Variants in ADCY2 observed in about 807,000 individuals in gnomAD.
The protein encoded by ADCY2 is adenylate cyclase type 2.
Under a neutral mutation model 125.2 loss-of-function variants are expected in ADCY2, and 31 were observed. The observed-to-expected ratio is 0.25, with a 90% CI of 0.19 to 0.33. The LOEUF (loss-of-function observed/expected upper bound fraction) is 0.33, where lower values mean the gene tolerates loss of function less well. Among genes scored for constraint, ADCY2 ranks in the 10% least tolerant of loss-of-function variants. The probability of loss-of-function intolerance (pLI) is 1.00; values close to 1 mark genes in which losing one functional copy is unlikely to be tolerated. For missense variants in ADCY2, 904 were observed against 1,418.2 expected, an observed-to-expected ratio of 0.64 and a Z score of 5.82; for synonymous variants, 512 against 548.4, an observed-to-expected ratio of 0.93 and a Z score of 0.93.
chr5:7,543,168 TACAAC>T (rs1338226932), intron 3 of ADCY2, among the ~76,000 whole-genome samples: 4 of 151,682 alleles, frequency 2.6e-5, no homozygotes, highest in Non-Finnish European at 5.9e-5. Flanking sequence ...TACAAACACA[TACAAC>T]ACGTATGTGG....
chr5:7,809,817 A>G (rs1304633302), intron 22 of ADCY2, among the ~76,000 whole-genome samples: 1 of 152,214 alleles, frequency 6.6e-6, no homozygotes, highest in Non-Finnish European at 1.5e-5. Context: ...ATCCATTCTA[A>G]TTTTAAGCTT....
chr5:7,726,365 T>C lies in ADCY2; in HGVS notation c.1774-799T>C, dbSNP rs149676488. Reference sequence around the variant, plus strand: ...AGTCCACAGTTTCTTCATCCAAAAATAGGGGCTGTTGTGTGGATTGAATGA... The same window carrying C: ...AGTCCACAGTTTCTTCATCCAAAAACAGGGGCTGTTGTGTGGATTGAATGA... On this transcript the variant is annotated intron_variant, in intron 13 of 24. Coordinates refer to ENST00000338316, the MANE Select transcript of ADCY2 (RefSeq NM_020546.3). Among the ~76,000 whole-genome samples, 191 of 152,292 alleles carry C rather than the reference T, an allele frequency of 1.3e-3. 2 individuals are homozygous for C. Among genetic ancestry groups the C allele is most frequent in the African/African-American group, 4.1e-3 (171 of 41,568 alleles).
chr5:7,410,664 A>G (rs1360841679), intron 1 of ADCY2, among the ~76,000 whole-genome samples: 1 of 152,236 alleles, frequency 6.6e-6, no homozygotes, highest in Non-Finnish European at 1.5e-5. Context: ...ATTTTTAAAA[A>G]GACATTTTAG....
chr5:7,484,390 G>T (rs1742848606), intron 2 of ADCY2, among the ~76,000 whole-genome samples: 1 of 152,160 alleles, frequency 6.6e-6, no homozygotes, highest in African/African-American at 2.4e-5. Context: ...TCTTCCCAGG[G>T]AAAATAATGA....
At chr5:7,419,167 G>A (rs1336264294) in intron 2 of ADCY2, among the ~76,000 whole-genome samples, 14 of 152,174 alleles carry the variant, frequency 9.2e-5, no homozygotes. Flanking sequence ...TGCAGTCAGA[G>A]GGAACAGTCT....
chr5:7,825,770 C>G (rs753158422), intron 24 of ADCY2, among the ~76,000 whole-genome samples: 24 of 152,354 alleles, frequency 1.6e-4, no homozygotes, highest in Non-Finnish European at 3.1e-4. Flanking sequence ...CACACTCAGG[C>G]AGCCCAAGCC....
chr5:7,429,237 A>T (rs1740502488), intron 2 of ADCY2, among the ~76,000 whole-genome samples: 1 of 152,238 alleles, frequency 6.6e-6, no homozygotes, highest in Admixed American at 6.5e-5. Context: ...TTAGTACCTC[A>T]GGAGGAGCTA....
At chr5:7,495,917 A>G (rs768244328) in intron 2 of ADCY2, among the ~76,000 whole-genome samples, 31 of 152,212 alleles carry the variant, frequency 2.0e-4, no homozygotes, top group East Asian at 1.9e-4. Context: ...TATAAAAATA[A>G]TTTTCTTTCA....
At chr5:7,755,422 G>A (rs886856489) in intron 15 of ADCY2, among the ~76,000 whole-genome samples, 1 of 149,182 alleles carries the variant, frequency 6.7e-6, no homozygotes, top group African/African-American at 2.4e-5. Context: ...AAAAAACATG[G>A]TGGAAAGGAG....
intron 3 of ADCY2, among the ~76,000 whole-genome samples, chr5:7,586,781 A>T (rs370366439): frequency 9.9e-5 from 15 of 152,078 alleles, no homozygotes; most frequent in African/African-American, 3.6e-4. Context: ...GTCCTCTTTA[A>T]TTTACGACAA....
chr5:7,812,232 A>G (rs1432735216), intron 22 of ADCY2, among the ~76,000 whole-genome samples: 1 of 152,138 alleles, frequency 6.6e-6, no homozygotes. Flanking sequence ...AAAAATCCTA[A>G]GTCTGTGTAT....
intron 22 of ADCY2, among the ~76,000 whole-genome samples, chr5:7,813,896 T>C (rs1242139614): frequency 6.6e-6 from 1 of 152,234 alleles, no homozygotes; most frequent in Non-Finnish European, 1.5e-5. Context: ...ACTTGGGCAG[T>C]TGTAATTTTT....
chr5:7,673,287 A>ATATATATATATATATATATATATATAT (rs58507866), intron 4 of ADCY2, among the ~76,000 whole-genome samples: 3 of 31,268 alleles, frequency 9.6e-5, no homozygotes, highest in African/African-American at 1.9e-4. Flanking sequence ...TATATATATA[A>ATATATATATATATATATATATATATAT]AATTAGCCAG....
At chr5:7,586,867 G>A (rs778558695) in intron 3 of ADCY2, among the ~76,000 whole-genome samples, 1 of 152,142 alleles carries the variant, frequency 6.6e-6, no homozygotes, top group African/African-American at 2.4e-5. Context: ...TACATCCATC[G>A]CCACATCTTC....
chr5:7,513,096 C>CAT (rs1438458648), intron 2 of ADCY2, among the ~76,000 whole-genome samples: 6 of 144,602 alleles, frequency 4.1e-5, no homozygotes, highest in African/African-American at 1.5e-4. Flanking sequence ...CACACACACA[C>CAT]ACACACACAC....
At chr5:7,587,989 TGTAA>T (rs775710957) in intron 3 of ADCY2, among the ~76,000 whole-genome samples, 21 of 152,116 alleles carry the variant, frequency 1.4e-4, no homozygotes, top group Non-Finnish European at 2.1e-4. Flanking sequence ...AGAAAAAAGC[TGTAA>T]GTATTAGAGA....
intron 16 of ADCY2, among the ~76,000 whole-genome samples, chr5:7,765,948 A>G (rs1422516973): frequency 6.6e-6 from 1 of 152,128 alleles, no homozygotes; most frequent in African/African-American, 2.4e-5. Context: ...CGAGAGAGAG[A>G]GAGAGGATGA....
intron 3 of ADCY2, among the ~76,000 whole-genome samples, chr5:7,536,756 T>C (rs925364068): frequency 6.9e-6 from 1 of 144,710 alleles, no homozygotes; most frequent in African/African-American, 2.6e-5. Context: ...TTCTCACTCA[T>C]AAGTGGGAGT....
At chr5:7,425,622 GT>G (rs1203852649) in intron 2 of ADCY2, among the ~76,000 whole-genome samples, 3 of 152,166 alleles carry the variant, frequency 2.0e-5, no homozygotes, top group African/African-American at 7.2e-5. Context: ...CTAAACTCTG[GT>G]ATTCTGTATT....
Sources: gnomAD v4.1 joint callset for allele counts (sites outside exome capture counted in the v4.1 genomes callset) on GRCh38, gnomAD v4.1.1 for gene constraint, MANE v1.5 for transcripts, NCBI Gene and HGNC (gene_info 2026-07-23, HGNC 2026-07-21) for gene names.